SYN2: variants seen among roughly 807,000 people sequenced by gnomAD.
The protein encoded by SYN2 is synapsin II, also known as synapsin-2.
In SYN2, 19 loss-of-function variants were observed where a neutral mutation model predicts 50.9. That is an observed-to-expected ratio of 0.37 (90% confidence interval 0.26 to 0.55). SYN2 has a LOEUF of 0.55. Ranked by LOEUF, SYN2 falls within the 20% of genes least tolerant of loss-of-function variation. SYN2 has a pLI of 0.81. For missense variants in SYN2, 587 were observed against 576.4 expected (o/e 1.02, Z -0.19); for synonymous variants, 255 against 224.9 (o/e 1.13, Z -1.20).
At chr3:12,096,605 C>T (rs1041535336) in intron 1 of SYN2, among the ~76,000 whole-genome samples, 3 of 151,392 alleles carry the variant, frequency 2.0e-5, no homozygotes, top group Admixed American at 2.0e-4. Context: ...TAATTCACTA[C>T]GTAAAATACA....
intron 1 of SYN2, among the ~76,000 whole-genome samples, chr3:12,090,872 G>A (rs1241272309): frequency 2.0e-5 from 3 of 152,144 alleles, no homozygotes; most frequent in Middle Eastern, 3.2e-3. Context: ...GGACAGCATA[G>A]CACTAAATGG....
chr3:12,068,805 C>A (rs1434000440), intron 1 of SYN2, among the ~76,000 whole-genome samples: 1 of 152,100 alleles, frequency 6.6e-6, no homozygotes, highest in East Asian at 1.9e-4. Context: ...AGTGTGCAAT[C>A]CAATGGTTTT....
chr3:12,185,465 A>G (rs1055984031), intron 11 of SYN2: 3 of 985,738 alleles, frequency 3.0e-6, no homozygotes, highest in Non-Finnish European at 3.6e-6. Flanking sequence ...CCACTGCCAA[A>G]TGCAAGCAGA....
At position 12,172,059 on chromosome 3, in the gene SYN2, G is replaced by A. The variant is rs142657100; in HGVS notation, c.1308+2153G>A. Among the ~76,000 whole-genome samples the A allele has an allele frequency of 4.5e-3, 688 of 152,230 alleles. 4 individuals carry two copies. Among genetic ancestry groups the A allele is most frequent in the African/African-American group, 0.016 (656 of 41,546 alleles). The stretch of plus-strand genomic sequence containing the variant: ...AAAGTCAGTTTGACTCAAGGATAAG[G>A]TTGAGCTTTTCTTTGCTCAACCTTA... On this transcript the variant is annotated intron_variant, in intron 10 of 12. Transcript: ENST00000621198.
At chr3:12,171,816 G>A (rs974608245) in intron 10 of SYN2, among the ~76,000 whole-genome samples, 3 of 152,150 alleles carry the variant, frequency 2.0e-5, no homozygotes, top group Non-Finnish European at 4.4e-5. Flanking sequence ...GGTATCTAAA[G>A]TATAAAAGTT....
At chr3:12,049,219 T>C (rs1380449141) in intron 1 of SYN2, among the ~76,000 whole-genome samples, 1 of 152,034 alleles carries the variant, frequency 6.6e-6, no homozygotes, top group East Asian at 1.9e-4. Context: ...TGAGAGGAGT[T>C]GTAGGAAGAA....
chr3:12,148,287 G>T (rs1697198836), intron 4 of SYN2, among the ~76,000 whole-genome samples: 1 of 152,166 alleles, frequency 6.6e-6, no homozygotes, highest in Admixed American at 6.5e-5. Context: ...CTTGGGCCCT[G>T]CATGAGGAGA....
chr3:12,021,855 A>G (rs1196388887), intron 1 of SYN2, among the ~76,000 whole-genome samples: 2 of 151,588 alleles, frequency 1.3e-5, no homozygotes, highest in African/African-American at 4.9e-5. Context: ...ACCCAAGCTC[A>G]GGAGCTCGAG....
chr3:12,187,412 G>A lies in SYN2; in HGVS notation c.1413G>A (p.Val471=). 6.4e-7 allele frequency: 1 copy of A among 1,551,440 alleles called. No homozygotes were observed. The highest frequency in any genetic ancestry group is 2.4e-5 in the East Asian group (1 of 40,918). Residue 471 remains valine, a synonymous_variant, in exon 12 of 13, where the codon GTG becomes GTA. Coordinates refer to ENST00000621198, the MANE Select transcript of SYN2 (RefSeq NM_133625.6). Reference sequence around the variant, plus strand: ...AAGGAATGCAGCCCCCAGGCAAGGTGCTGCCTCCACGCCGGCTCCCCCCTG... The same window carrying A: ...AAGGAATGCAGCCCCCAGGCAAGGTACTGCCTCCACGCCGGCTCCCCCCTG... ...QPQGMQPPGK[V]LPPRRLPPGP...
At chr3:12,117,292 A>G (rs1696455897) in intron 1 of SYN2, among the ~76,000 whole-genome samples, 1 of 152,202 alleles carries the variant, frequency 6.6e-6, no homozygotes, top group African/African-American at 2.4e-5. Context: ...ATTCTTAGAG[A>G]AAACAACAAG....
At chr3:12,189,590 T>C (rs1698409046) in intron 12 of SYN2, among the ~76,000 whole-genome samples, 1 of 152,054 alleles carries the variant, frequency 6.6e-6, no homozygotes, top group Non-Finnish European at 1.5e-5. Flanking sequence ...GGACGGATCA[T>C]GAGGTCAGGA....
rs1050651995 is a variant in SYN2, at chr3:12,118,927, A to C, written c.378-21724A>C. Among the ~76,000 whole-genome samples the C allele has an allele frequency of 1.4e-4, 22 of 152,358 alleles. No individual in the cohort carries two copies. In the East Asian group the frequency reaches 4.2e-3, roughly 29 times the overall value. ...CTCATTTCAGCATGTACTCATTATA[A>C]AACAAATTGTTAATGAACTATTTTA... On this transcript the variant is annotated intron_variant, in intron 1 of 12. Transcript: ENST00000621198.
intron 1 of SYN2, among the ~76,000 whole-genome samples, chr3:12,064,450 A>C (rs1324883144): frequency 1.3e-5 from 2 of 152,130 alleles, no homozygotes; most frequent in Non-Finnish European, 2.9e-5. Flanking sequence ...AAATACAATG[A>C]ATTCACAGAA....
chr3:12,152,753 A>G (rs1360636045), intron 5 of SYN2, among the ~76,000 whole-genome samples: 1 of 152,224 alleles, frequency 6.6e-6, no homozygotes, highest in African/African-American at 2.4e-5. Context: ...TGAAGATGTT[A>G]GTAATTTAAA....
intron 5 of SYN2, chr3:12,154,275 C>T: frequency 1.2e-6 from 2 of 1,612,484 alleles, no homozygotes; most frequent in Non-Finnish European, 8.5e-7. Flanking sequence ...TGAATGAAGG[C>T]TCAGAACCCT....
At chr3:12,102,650 G>A (rs1470046185) in intron 1 of SYN2, among the ~76,000 whole-genome samples, 2 of 151,836 alleles carry the variant, frequency 1.3e-5, no homozygotes, top group Non-Finnish European at 1.5e-5. Context: ...ATATCTTAAC[G>A]CATGGTCTTC....
At chr3:12,161,957 A>T in intron 6 of SYN2, 55 bp from the exon 7 acceptor site, 6 of 1,598,778 alleles carry the variant, frequency 3.8e-6, no homozygotes, top group Non-Finnish European at 5.1e-6. Flanking sequence ...GTGACTTCTC[A>T]GTGTGTGTAT....
intron 1 of SYN2, among the ~76,000 whole-genome samples, chr3:12,062,008 A>T (rs941614203): frequency 8.5e-5 from 13 of 152,058 alleles, no homozygotes; most frequent in Admixed American, 3.3e-4. Flanking sequence ...TTTTGTAGAG[A>T]TTAACAAGTT....
At chr3:12,124,869 G>A (rs1462872559) in intron 1 of SYN2, among the ~76,000 whole-genome samples, 1 of 152,100 alleles carries the variant, frequency 6.6e-6, no homozygotes, top group Admixed American at 6.5e-5. Context: ...GATTGGGGAG[G>A]AATATGCAAG....
Sources: gnomAD v4.1 joint callset for allele counts (sites outside exome capture counted in the v4.1 genomes callset) on GRCh38, gnomAD v4.1.1 for gene constraint, MANE v1.5 for transcripts, NCBI Gene and HGNC (gene_info 2026-07-23, HGNC 2026-07-21) for gene names.